Variants in ETS1 observed in about 807,000 individuals in gnomAD.
The protein encoded by ETS1 is ETS proto-oncogene 1, transcription factor.
In ETS1, 15 loss-of-function variants were observed where a neutral mutation model predicts 58.6. The ratio of observed to expected loss-of-function variants is 0.26; its 90% CI spans 0.17 to 0.39. The LOEUF is 0.39. Among genes scored for constraint, ETS1 ranks in the 10% least tolerant of loss-of-function variants. The pLI is 1.00. For synonymous variants in ETS1, 214 were observed against 218.2 expected (o/e 0.98, Z 0.17); for missense variants, 417 against 610.5 (o/e 0.68, Z 3.34).
intron 3 of ETS1, 77 bp from the exon 4 acceptor site, chr11:128,490,653 G>A (rs1353966103): frequency 2.6e-6 from 3 of 1,140,932 alleles, no homozygotes; most frequent in African/African-American, 1.5e-5. Context: ...CAAATGGGCT[G>A]TAAGAAGGCA....
At chr11:128,569,318 C>CTTTTTTTTTTTTTTTTTTT in intron 2 of ETS1, among the ~76,000 whole-genome samples, 618 of 39,464 alleles carry the variant, frequency 0.016, 231 homozygotes, top group Middle Eastern at 0.024. Context: ...AGAGTTTCTT[C>CTTTTTTTTTTTTTTTTTTT]TTTTTTTTTT....
intron 1 of ETS1, among the ~76,000 whole-genome samples, chr11:128,573,507 A>G (rs1864681193): frequency 6.6e-6 from 1 of 152,144 alleles, no homozygotes; most frequent in Non-Finnish European, 1.5e-5. Context: ...CCTGGCAGAT[A>G]AGTAGGCATA....
intron 1 of ETS1, among the ~76,000 whole-genome samples, chr11:128,583,716 T>C (rs1373313743): frequency 2.6e-5 from 4 of 152,210 alleles, no homozygotes; most frequent in African/African-American, 9.6e-5. Context: ...TCCACATCTC[T>C]TGAAAATTTA....
intron 7 of ETS1, among the ~76,000 whole-genome samples, chr11:128,484,195 C>T (rs887475427): frequency 4.6e-5 from 7 of 152,128 alleles, no homozygotes; most frequent in African/African-American, 1.4e-4. Context: ...AACAAAACTA[C>T]CTTCTTTTGG....
At chr11:128,535,528 T>C (rs984401196) in intron 3 of ETS1, among the ~76,000 whole-genome samples, 1 of 152,238 alleles carries the variant, frequency 6.6e-6, no homozygotes, top group Non-Finnish European at 1.5e-5. Context: ...GCCTAGATTT[T>C]CTTCTAGGGT....
chr11:128,462,305 C>A lies in ETS1; in HGVS notation c.*56G>T, dbSNP rs1392986191. The A allele has an allele frequency of 3.6e-6, 5 of 1,370,200 alleles. No individual in the cohort carries two copies. The highest frequency in any genetic ancestry group is 2.3e-5 in the East Asian group (1 of 42,832). The allele number at this position is 1,370,200 out of a possible 1,614,324, so 84.9% of individuals were successfully genotyped here. On this transcript the variant is annotated 3_prime_UTR_variant, in exon 10 of 10. Coordinates refer to ENST00000392668, the MANE Select transcript of ETS1 (RefSeq NM_001143820.2). ...AACAATTCAAAATTCAGAGTCCAAC[C>A]AACACGGCTGTCCTTGGAAGGTCTC...
intron 8 of ETS1, among the ~76,000 whole-genome samples, chr11:128,471,314 G>C (rs1862182039): frequency 6.6e-6 from 1 of 152,182 alleles, no homozygotes. Context: ...GTCTGACTTG[G>C]GTCTGAGAAC....
chr11:128,546,546 C>T (rs1280886216), intron 3 of ETS1, among the ~76,000 whole-genome samples: 1 of 152,128 alleles, frequency 6.6e-6, no homozygotes, highest in Non-Finnish European at 1.5e-5. Flanking sequence ...ACTTATAATA[C>T]TTAATACAAT....
intron 3 of ETS1, among the ~76,000 whole-genome samples, chr11:128,541,684 T>A (rs1864060160): frequency 6.6e-6 from 1 of 152,234 alleles, no homozygotes; most frequent in East Asian, 1.9e-4. Flanking sequence ...CCTGACAGAT[T>A]AATTTAATAA....
chr11:128,576,810 AC>A, intron 1 of ETS1, among the ~76,000 whole-genome samples: 1 of 151,126 alleles, frequency 6.6e-6, no homozygotes, highest in East Asian at 1.9e-4. Context: ...TTCTCATGTT[AC>A]CCCCTCTGCT....
chr11:128,501,386 T>A (rs1234786035), intron 3 of ETS1, among the ~76,000 whole-genome samples: 1 of 152,196 alleles, frequency 6.6e-6, no homozygotes, highest in Non-Finnish European at 1.5e-5. Flanking sequence ...TGCCAGGACC[T>A]CTCCATAGAA....
At chr11:128,583,531 G>C (rs1319980670) in intron 1 of ETS1, among the ~76,000 whole-genome samples, 1 of 151,142 alleles carries the variant, frequency 6.6e-6, no homozygotes, top group Non-Finnish European at 1.5e-5. Context: ...TGCATTATAT[G>C]TTTTTTTTTA....
chr11:128,577,368 C>T (rs1227805158), intron 1 of ETS1, among the ~76,000 whole-genome samples: 1 of 152,214 alleles, frequency 6.6e-6, no homozygotes, highest in Non-Finnish European at 1.5e-5. Flanking sequence ...CTTTTCCCAT[C>T]ACCGCATATG....
chr11:128,571,764 TG>T (rs1227605188), intron 2 of ETS1: 1 of 152,070 alleles, frequency 6.6e-6, no homozygotes, highest in Non-Finnish European at 1.5e-5. Flanking sequence ...TATTTGCGAC[TG>T]GGCTCAGTGC....
intron 3 of ETS1, among the ~76,000 whole-genome samples, chr11:128,493,633 T>C (rs1453003278): frequency 6.6e-6 from 1 of 152,208 alleles, no homozygotes; most frequent in Non-Finnish European, 1.5e-5. Context: ...AGGCACAGCA[T>C]TGTCTTTGGA....
intron 1 of ETS1, among the ~76,000 whole-genome samples, chr11:128,583,600 A>G (rs1229692922): frequency 6.6e-6 from 1 of 152,162 alleles, no homozygotes; most frequent in Non-Finnish European, 1.5e-5. Context: ...GCAAACTTTT[A>G]TGCATCTGGA....
chr11:128,585,214 G>A lies in ETS1; in HGVS notation c.-15+2274C>T, dbSNP rs548695869. ...GGAAGGAAAGAAAGAAAGAAAGAAA[G>A]AAAGAAAGAAAGAAAGAAAGAAAGA... On this transcript the variant is annotated intron_variant, in intron 1 of 9. Coordinates refer to ENST00000392668, the MANE Select transcript of ETS1 (RefSeq NM_001143820.2). Among the ~76,000 whole-genome samples, 63 of 121,318 alleles carry A rather than the reference G, an allele frequency of 5.2e-4. 6 individuals are homozygous for A. Among genetic ancestry groups the A allele is most frequent in the African/African-American group, 1.8e-3 (59 of 31,892 alleles). The allele number at this position is 121,318 out of a possible 152,430, so 79.6% of individuals were successfully genotyped here.
At chr11:128,473,441 T>A (rs938161336) in intron 8 of ETS1, among the ~76,000 whole-genome samples, 1 of 152,202 alleles carries the variant, frequency 6.6e-6, no homozygotes, top group Non-Finnish European at 1.5e-5. Flanking sequence ...GCCTATGGTA[T>A]AGAAACTATT....
rs1864413260 is a variant in ETS1, at chr11:128,562,084, G to A, written c.70-5649C>T. On this transcript the variant is annotated intron_variant, in intron 2 of 9. Coordinates refer to ENST00000392668, the MANE Select transcript of ETS1 (RefSeq NM_001143820.2). ...AAGAGCAGAGCTTTAAGCACCAGGG[G>A]TGGTGAACAAGAGGCCACTAAGAAA... 4.6e-5 allele frequency among the ~76,000 whole-genome samples: 7 copies of A among 152,328 alleles called. No homozygotes were observed. In the South Asian group the frequency reaches 8.3e-4, roughly 18 times the overall value.
Sources: gnomAD v4.1 joint callset for allele counts (sites outside exome capture counted in the v4.1 genomes callset) on GRCh38, gnomAD v4.1.1 for gene constraint, MANE v1.5 for transcripts, NCBI Gene and HGNC (gene_info 2026-07-23, HGNC 2026-07-21) for gene names.